TMEM150C: variants seen among roughly 807,000 people sequenced by gnomAD.
The protein encoded by TMEM150C is tentonin 3.
TMEM150C carries 10 observed loss-of-function variants against 29.9 expected under a neutral mutation model. That is an observed-to-expected ratio of 0.33 (90% CI 0.21 to 0.57). The LOEUF is 0.57. TMEM150C is among the 20% of genes least tolerant of loss of function. TMEM150C has a pLI of 0.88. For missense variants in TMEM150C, 251 were observed against 303.6 expected (o/e 0.83, Z 1.29); for synonymous variants, 101 against 112.5 (o/e 0.90, Z 0.64).
Position 82,483,920 on chromosome 4 carries a change from GC to G in TMEM150C, c.*1590del, listed in dbSNP as rs1244185193. The G allele has an allele frequency of 2.0e-5, 3 of 151,550 alleles. No individual in the cohort carries two copies. The highest frequency in any genetic ancestry group is 4.4e-5 in the Non-Finnish European group (3 of 68,018). The allele number at this position is 151,550 out of a possible 1,614,324, so 9.4% of individuals were successfully genotyped here. A position where few individuals can be genotyped will look rare whatever the true frequency, so the allele number is the denominator to read the frequency against. On this transcript the variant is annotated 3_prime_UTR_variant, in exon 8 of 8. Coordinates refer to ENST00000449862, the MANE Select transcript of TMEM150C (RefSeq NM_001080506.3). ...TTCTCCTGCCTCCGCCTCCTGAGTA[GC>G]CGGGATTACAGGCATGCGCCACCAC...
intron 1 of TMEM150C, among the ~76,000 whole-genome samples, chr4:82,525,545 AATTAAAAGAT>A (rs1193790312): frequency 1.3e-5 from 2 of 152,260 alleles, no homozygotes; most frequent in African/African-American, 4.8e-5. Context: ...ATAGCTCTTT[AATTAAAAGAT>A]AACATTCCAT....
chr4:82,491,344 G>T, intron 6 of TMEM150C: 1 of 650,404 alleles, frequency 1.5e-6, no homozygotes, highest in South Asian at 1.7e-5. Flanking sequence ...TTAAGCAGCT[G>T]AGTAGCTGCT....
intron 1 of TMEM150C, among the ~76,000 whole-genome samples, chr4:82,561,641 G>C (rs7662375): frequency 0.66 from 97,966 of 147,562 alleles, 32,754 homozygotes; most frequent in East Asian, 0.73. Context: ...GCGTTCGCAG[G>C]TCGCGGGGCA....
intron 1 of TMEM150C, among the ~76,000 whole-genome samples, chr4:82,531,479 A>G (rs1335179199): frequency 1.3e-5 from 2 of 152,120 alleles, no homozygotes; most frequent in Non-Finnish European, 2.9e-5. Flanking sequence ...TAGAAGGGCC[A>G]GGCATGGTGG....
At chr4:82,524,712 A>G (rs745453865) in intron 1 of TMEM150C, among the ~76,000 whole-genome samples, 9 of 152,250 alleles carry the variant, frequency 5.9e-5, no homozygotes, top group Non-Finnish European at 1.2e-4. Context: ...AGGAGGAGAC[A>G]GACACAATTA....
At chr4:82,501,398 T>C (rs1254789182) in intron 5 of TMEM150C, among the ~76,000 whole-genome samples, 1 of 152,068 alleles carries the variant, frequency 6.6e-6, no homozygotes, top group African/African-American at 2.4e-5. Flanking sequence ...TTTTAAAGAC[T>C]CGGCAACCCC....
At chr4:82,505,760 G>A (rs2110070755) in intron 1 of TMEM150C, among the ~76,000 whole-genome samples, 2 of 152,160 alleles carry the variant, frequency 1.3e-5, no homozygotes, top group Middle Eastern at 6.8e-3. Flanking sequence ...GCGTTTTGGA[G>A]GTTACAAAAA....
At chr4:82,546,041 G>A (rs570437756) in intron 1 of TMEM150C, among the ~76,000 whole-genome samples, 17 of 152,066 alleles carry the variant, frequency 1.1e-4, no homozygotes, top group African/African-American at 3.6e-4. Flanking sequence ...GGAGGTAAAC[G>A]ATCTCTATAA....
At chr4:82,502,246 C>G (rs1419688423) in intron 5 of TMEM150C, among the ~76,000 whole-genome samples, 1 of 152,174 alleles carries the variant, frequency 6.6e-6, no homozygotes, top group African/African-American at 2.4e-5. Context: ...TGCCAGCTTA[C>G]TATGTCTATA....
intron 1 of TMEM150C, among the ~76,000 whole-genome samples, chr4:82,534,663 G>T (rs1435283752): frequency 2.0e-5 from 3 of 152,184 alleles, no homozygotes; most frequent in Non-Finnish European, 4.4e-5. Context: ...CTGGTTTACA[G>T]ATGCCCATCT....
intron 1 of TMEM150C, among the ~76,000 whole-genome samples, chr4:82,549,475 G>A (rs1725498222): frequency 6.6e-6 from 1 of 152,154 alleles, no homozygotes; most frequent in Non-Finnish European, 1.5e-5. Context: ...GGAGGATATG[G>A]GGAGTTGTTT....
chr4:82,554,599 G>A (rs1346064918), intron 1 of TMEM150C, among the ~76,000 whole-genome samples: 2 of 152,120 alleles, frequency 1.3e-5, no homozygotes, highest in African/African-American at 2.4e-5. Context: ...AAAAGAGTAC[G>A]AAATCTACTT....
intron 1 of TMEM150C, among the ~76,000 whole-genome samples, chr4:82,544,217 A>G (rs1207289378): frequency 2.0e-5 from 3 of 152,186 alleles, no homozygotes; most frequent in Non-Finnish European, 4.4e-5. Flanking sequence ...GTCCTGTTCA[A>G]GGTCAATCAT....
At chr4:82,508,199 T>C (rs1724000630) in intron 1 of TMEM150C, among the ~76,000 whole-genome samples, 3 of 152,196 alleles carry the variant, frequency 2.0e-5, no homozygotes, top group South Asian at 4.1e-4. Context: ...TTCCACTCTT[T>C]CCCTGAGCTA....
intron 1 of TMEM150C, among the ~76,000 whole-genome samples, chr4:82,534,951 C>A (rs1489644349): frequency 9.2e-5 from 14 of 152,146 alleles, no homozygotes. Flanking sequence ...AAAAACCCAG[C>A]AAACAAATCA....
intron 1 of TMEM150C, among the ~76,000 whole-genome samples, chr4:82,536,977 A>AATT (rs1214219008): frequency 6.6e-6 from 1 of 151,932 alleles, no homozygotes; most frequent in Non-Finnish European, 1.5e-5. Context: ...CAACTTCAAC[A>AATT]ATTATTATTA....
rs1206026808 is a variant in TMEM150C at position 82,485,536 on chromosome 4, GA to G, written c.724del (p.Ser242LeufsTer17). 4 of 1,605,316 alleles carry G rather than the reference GA, an allele frequency of 2.5e-6. No individual in the cohort carries two copies. In the South Asian group the frequency reaches 4.5e-5, roughly 18 times the overall value. On this transcript the variant is annotated frameshift_variant, in exon 8 of 8. Transcript: ENST00000449862. LOFTEE classifies it high-confidence loss of function. Reference sequence around the variant, plus strand: ...TTACACCTGGTCAGTCTGATATTCAGAAGCTTCTGACAGGCTTTCTGAGAAG... The same window carrying G: ...TTACACCTGGTCAGTCTGATATTCAGAGCTTCTGACAGGCTTTCTGAGAAG... ...LSFSESLSEASEYQTDQV is the reference protein window; with the variant it reads ...LSFSESLSEAXEYQTDQV
At chr4:82,491,285 C>T (rs1397275101) in intron 6 of TMEM150C, 6 of 677,480 alleles carry the variant, frequency 8.9e-6, no homozygotes, top group Non-Finnish European at 1.6e-5. Flanking sequence ...GGGCCAACAG[C>T]TTCTGCTTCT....
intron 1 of TMEM150C, among the ~76,000 whole-genome samples, chr4:82,537,644 C>T (rs894054222): frequency 6.6e-6 from 1 of 152,150 alleles, no homozygotes; most frequent in Non-Finnish European, 1.5e-5. Flanking sequence ...TTTGCAGATG[C>T]AATTAGTTAA....
Sources: gnomAD v4.1 joint callset for allele counts (sites outside exome capture counted in the v4.1 genomes callset) on GRCh38, gnomAD v4.1.1 for gene constraint, MANE v1.5 for transcripts, NCBI Gene and HGNC (gene_info 2026-07-23, HGNC 2026-07-21) for gene names.